The following AUTS2 variants were observed in gnomAD, a reference collection of about 807,000 sequenced individuals.
The protein encoded by AUTS2 is activator of transcription and developmental regulator AUTS2.
AUTS2 carries 17 observed loss-of-function variants against 112.4 expected under a neutral mutation model. The ratio of observed to expected loss-of-function variants is 0.15; its 90% CI spans 0.10 to 0.23. The LOEUF is 0.23. Ranked by LOEUF, AUTS2 falls within the 10% of genes least tolerant of loss-of-function variation. The pLI is 1.00. For synonymous variants in AUTS2, 751 were observed against 702.7 expected (o/e 1.07, Z -1.09); for missense variants, 1,510 against 1,701.6 (o/e 0.89, Z 1.98).
intron 4 of AUTS2, among the ~76,000 whole-genome samples, chr7:70,407,603 A>T (rs1196821989): frequency 6.6e-6 from 1 of 152,152 alleles, no homozygotes; most frequent in East Asian, 1.9e-4. Flanking sequence ...TCCTAGAAAG[A>T]TGCATAAAAT....
At chr7:70,068,595 G>A (rs1802609182) in intron 2 of AUTS2, among the ~76,000 whole-genome samples, 1 of 152,026 alleles carries the variant, frequency 6.6e-6, no homozygotes, top group South Asian at 2.1e-4. Context: ...ATTTCTTCTG[G>A]CACATTACAG....
chr7:69,738,999 G>A (rs1181917432), intron 1 of AUTS2, among the ~76,000 whole-genome samples: 3 of 152,098 alleles, frequency 2.0e-5, no homozygotes, highest in Non-Finnish European at 4.4e-5. Context: ...TTTCTTAGGT[G>A]TACTGGACTG....
intron 4 of AUTS2, among the ~76,000 whole-genome samples, chr7:70,197,287 C>A (rs1435723876): frequency 1.3e-5 from 2 of 149,536 alleles, no homozygotes; most frequent in Non-Finnish European, 3.0e-5. Context: ...ACACACACAC[C>A]CATTTTGTAC....
chr7:70,077,869 C>G lies in AUTS2; in HGVS notation c.523-40263C>G, dbSNP rs562164096. Among the ~76,000 whole-genome samples, 165 of 152,300 alleles carry G rather than the reference C, an allele frequency of 1.1e-3. 1 individual carries two copies. Among genetic ancestry groups the G allele is most frequent in the African/African-American group, 3.8e-3 (160 of 41,570 alleles). On this transcript the variant is annotated intron_variant, in intron 2 of 18. Coordinates refer to ENST00000342771, the MANE Select transcript of AUTS2 (RefSeq NM_015570.4). ...TCCGTGCTAAATTAAACTCCAGACC[C>G]TGGGATGTCTGGAATATATTTTCCA...
At chr7:70,417,775 C>T (rs1205536777) in intron 4 of AUTS2, among the ~76,000 whole-genome samples, 9 of 152,272 alleles carry the variant, frequency 5.9e-5, no homozygotes, top group African/African-American at 2.2e-4. Flanking sequence ...GCCTTTGAGC[C>T]TGGGGCCTCT....
chr7:70,270,567 G>A (rs760612743), intron 4 of AUTS2, among the ~76,000 whole-genome samples: 24 of 152,180 alleles, frequency 1.6e-4, no homozygotes, highest in Non-Finnish European at 3.4e-4. Context: ...CTGTGGGCAT[G>A]CAGGACCCTT....
intron 2 of AUTS2, among the ~76,000 whole-genome samples, chr7:69,912,127 G>A (rs970692800): frequency 1.3e-5 from 2 of 152,174 alleles, no homozygotes; most frequent in African/African-American, 2.4e-5. Flanking sequence ...AATGCCACCC[G>A]AGTGCATGCA....
At chr7:69,732,416 C>G (rs1251199336) in intron 1 of AUTS2, among the ~76,000 whole-genome samples, 2 of 151,664 alleles carry the variant, frequency 1.3e-5, no homozygotes, top group Non-Finnish European at 2.9e-5. Context: ...TGTGGTCAGT[C>G]TGGAGGAGTG....
chr7:69,726,989 C>T (rs1786548376), intron 1 of AUTS2, among the ~76,000 whole-genome samples: 1 of 152,100 alleles, frequency 6.6e-6, no homozygotes, highest in African/African-American at 2.4e-5. Context: ...CTAATGACAT[C>T]TTTGGATAAG....
At chr7:69,812,326 T>A (rs1562899942) in intron 1 of AUTS2, among the ~76,000 whole-genome samples, 2 of 152,198 alleles carry the variant, frequency 1.3e-5, no homozygotes, top group African/African-American at 2.4e-5. Flanking sequence ...TTAAGAACAC[T>A]TCTTGCTATT....
At chr7:70,245,119 CAAAA>C (rs61068581) in intron 4 of AUTS2, among the ~76,000 whole-genome samples, 1 of 65,054 alleles carries the variant, frequency 1.5e-5, no homozygotes, top group Non-Finnish European at 2.8e-5. Context: ...GATCCTGCCT[CAAAA>C]AAAAAAAAAA....
At chr7:70,685,383 G>T (rs975198471) in intron 5 of AUTS2, among the ~76,000 whole-genome samples, 2 of 145,934 alleles carry the variant, frequency 1.4e-5, no homozygotes, top group Non-Finnish European at 3.0e-5. Flanking sequence ...TGAGGCAGGA[G>T]AATAGCCTGA....
Position 69,782,088 on chromosome 7 carries a change from C to T in AUTS2, c.310-117198C>T, listed in dbSNP as rs147241005. Among the ~76,000 whole-genome samples, 26 of 152,224 alleles carry T rather than the reference C, an allele frequency of 1.7e-4. No homozygotes were observed. The East Asian group carries it at 1.7e-3, about 10-fold the overall frequency. Reference sequence around the variant, plus strand: ...TGGGACCAGGTTTTAGAATCTTCTTCGCGGCCCGGCTCACACCTGTAATTG... The same window carrying T: ...TGGGACCAGGTTTTAGAATCTTCTTTGCGGCCCGGCTCACACCTGTAATTG... On this transcript the variant is annotated intron_variant, in intron 1 of 18. Transcript: ENST00000342771.
At chr7:69,771,821 G>A (rs1409498620) in intron 1 of AUTS2, among the ~76,000 whole-genome samples, 1 of 147,642 alleles carries the variant, frequency 6.8e-6, no homozygotes, top group Non-Finnish European at 1.5e-5. Context: ...TTTTGGTCTT[G>A]TTGCACAGGC....
At chr7:70,362,353 C>G (rs1162878845) in intron 4 of AUTS2, among the ~76,000 whole-genome samples, 2 of 151,938 alleles carry the variant, frequency 1.3e-5, no homozygotes. Flanking sequence ...CACTCCCTTT[C>G]CAGACTGTTC....
At chr7:70,739,870 TC>T (rs1390298574) in intron 6 of AUTS2, among the ~76,000 whole-genome samples, 27 of 151,590 alleles carry the variant, frequency 1.8e-4, no homozygotes, top group African/African-American at 6.6e-4. Context: ...ATGTAGTTGT[TC>T]CCCTTGGGGC....
intron 1 of AUTS2, among the ~76,000 whole-genome samples, chr7:69,619,813 G>A (rs532981070): frequency 6.6e-6 from 1 of 152,334 alleles, no homozygotes; most frequent in South Asian, 2.1e-4. Context: ...TTCTGGGGAT[G>A]TGGGGGAGAG....
intron 2 of AUTS2, among the ~76,000 whole-genome samples, chr7:69,910,545 A>G (rs556392502): frequency 3.0e-4 from 46 of 152,346 alleles, no homozygotes; most frequent in African/African-American, 9.6e-4. Context: ...GCAGAAGGCA[A>G]TGAGTAGCAG....
At chr7:70,427,289 G>A (rs6946732) in intron 4 of AUTS2, among the ~76,000 whole-genome samples, 9,740 of 152,186 alleles carry the variant, frequency 0.064, 355 homozygotes, top group African/African-American at 0.1. Context: ...ACAAATCACC[G>A]GGCCCCAGAC....
Sources: gnomAD v4.1 joint callset for allele counts (sites outside exome capture counted in the v4.1 genomes callset) on GRCh38, gnomAD v4.1.1 for gene constraint, MANE v1.5 for transcripts, NCBI Gene and HGNC (gene_info 2026-07-23, HGNC 2026-07-21) for gene names.